Variants in IQGAP2 observed in about 807,000 individuals in gnomAD.
IQGAP2 encodes IQ motif containing GTPase activating protein 2, also known as ras GTPase-activating-like protein IQGAP2.
IQGAP2 carries 173 observed loss-of-function variants against 201.3 expected under a neutral mutation model. The observed-to-expected ratio is 0.86, with a 90% confidence interval of 0.76 to 0.98. The LOEUF (loss-of-function observed/expected upper bound fraction) is 0.98. IQGAP2 is among the 50% of genes least tolerant of loss of function. IQGAP2 has a pLI of 0.00. For synonymous variants in IQGAP2, 675 were observed against 673.9 expected, an observed-to-expected ratio of 1.00 and a Z score of -0.03; for missense variants, 1,687 against 1,864.8, an observed-to-expected ratio of 0.90 and a Z score of 1.76.
At chr5:76,574,285 T>G (rs888684963) in intron 4 of IQGAP2, among the ~76,000 whole-genome samples, 4 of 152,202 alleles carry the variant, frequency 2.6e-5, no homozygotes, top group African/African-American at 9.6e-5. Flanking sequence ...GAAATCTGTT[T>G]CTTTTGTTGA....
chr5:76,670,551 G>A lies in IQGAP2; in HGVS notation c.2844-1208G>A, dbSNP rs576304535. Among the ~76,000 whole-genome samples the A allele has an allele frequency of 5.3e-5, 8 of 152,228 alleles. No homozygotes were observed. The East Asian group carries it at 1.5e-3, about 29-fold the overall frequency. On this transcript the variant is annotated intron_variant, in intron 23 of 35. Coordinates refer to ENST00000274364, the MANE Select transcript of IQGAP2 (RefSeq NM_006633.5). ...AAACAAAACTAGCATTTAAAGGTGGGAAGAGGAGCACAGCAAAGAAAATAA... is the reference window on the plus strand; with the variant it reads ...AAACAAAACTAGCATTTAAAGGTGGAAAGAGGAGCACAGCAAAGAAAATAA...
rs1430587069 is a variant in IQGAP2, at chr5:76,677,057, C to T, written c.3528-161C>T. On this transcript the variant is annotated intron_variant, in intron 27 of 35. Coordinates refer to ENST00000274364, the MANE Select transcript of IQGAP2 (RefSeq NM_006633.5). ...ATATCCAGAAACATGGATGCAGCTCCGACAGCCAGGAGCCAGCCTGGAAGA... is the reference window on the plus strand; with the variant it reads ...ATATCCAGAAACATGGATGCAGCTCTGACAGCCAGGAGCCAGCCTGGAAGA... 6 of 632,162 alleles carry T rather than the reference C, an allele frequency of 9.5e-6. 1 individual carries two copies. The highest frequency in any genetic ancestry group is 2.2e-5 in the South Asian group (1 of 45,344). The allele number at this position is 632,162 out of a possible 1,614,324, so 39.2% of individuals were successfully genotyped here.
chr5:76,537,307 T>C (rs1221723279), intron 2 of IQGAP2, among the ~76,000 whole-genome samples: 1 of 152,190 alleles, frequency 6.6e-6, no homozygotes, highest in Non-Finnish European at 1.5e-5. Flanking sequence ...TGCAGTGGTT[T>C]CCAGCCACTT....
intron 17 of IQGAP2, among the ~76,000 whole-genome samples, chr5:76,648,346 T>C (rs894491947): frequency 1.1e-4 from 16 of 152,304 alleles, no homozygotes; most frequent in South Asian, 2.1e-4. Context: ...CTCCTAGTAA[T>C]GAGGCAGTGC....
At chr5:76,631,684 A>C (rs429071) in intron 14 of IQGAP2, among the ~76,000 whole-genome samples, 175 bp from the exon 15 acceptor site, 2 of 151,914 alleles carry the variant, frequency 1.3e-5, no homozygotes, top group Non-Finnish European at 2.9e-5. Context: ...AATTCTTCTT[A>C]TGGACTAAAC....
chr5:76,461,560 CTA>C lies in IQGAP2; in HGVS notation c.47-8_47-7del. On this transcript the variant is annotated splice_region_variant and splice_polypyrimidine_tract_variant and intron_variant, in intron 1 of 35. Coordinates refer to ENST00000274364, the MANE Select transcript of IQGAP2 (RefSeq NM_006633.5). ...TTTGTAAATCACATGTTGTTATCCT[CTA>C]TTTCTAGCTATTGTGGACGATGAAA... The C allele has an allele frequency of 6.3e-7, 1 of 1,598,512 alleles. No individual in the cohort carries two copies.
At position 76,609,185 on chromosome 5, in the gene IQGAP2, C is replaced by A. The variant is rs543673976; in HGVS notation, c.1358-1835C>A. 2.6e-6 allele frequency: 4 copies of A among 1,535,920 alleles called. No homozygotes were observed. In the African/African-American group the frequency reaches 5.5e-5, roughly 21 times the overall value. On this transcript the variant is annotated intron_variant, in intron 12 of 35. Transcript: ENST00000274364. Reference sequence around the variant, plus strand: ...TGAAATGCACTCACTTCCAGGTGATCGGCCTTGGTTCTGTTAAGACCATTT... The same window carrying A: ...TGAAATGCACTCACTTCCAGGTGATAGGCCTTGGTTCTGTTAAGACCATTT...
chr5:76,423,115 G>A (rs573261241), intron 1 of IQGAP2, among the ~76,000 whole-genome samples: 2 of 152,264 alleles, frequency 1.3e-5, no homozygotes, highest in African/African-American at 2.4e-5. Flanking sequence ...CATTTTATTA[G>A]TTTCCTGTTT....
intron 20 of IQGAP2, among the ~76,000 whole-genome samples, chr5:76,655,858 C>T (rs1429657855): frequency 6.6e-6 from 1 of 152,210 alleles, no homozygotes; most frequent in African/African-American, 2.4e-5. Context: ...TGGTTTTTTA[C>T]AGATCATAAG....
intron 15 of IQGAP2, 54 bp downstream of exon 15, chr5:76,632,080 T>G: frequency 7.3e-7 from 1 of 1,370,804 alleles, no homozygotes; most frequent in African/African-American, 1.5e-5. Flanking sequence ...ATCATTTCTG[T>G]GGTATTATAT....
At chr5:76,448,995 A>G (rs1483767951) in intron 1 of IQGAP2, among the ~76,000 whole-genome samples, 2 of 152,110 alleles carry the variant, frequency 1.3e-5, no homozygotes, top group Non-Finnish European at 2.9e-5. Flanking sequence ...TCTCACTTTC[A>G]TCTCACAACC....
At chr5:76,504,673 C>T (rs1474638642) in intron 2 of IQGAP2, among the ~76,000 whole-genome samples, 1 of 152,104 alleles carries the variant, frequency 6.6e-6, no homozygotes, top group Non-Finnish European at 1.5e-5. Context: ...TGTAACCCTC[C>T]CTCCTACCTA....
chr5:76,671,719 A>C (rs753711492), intron 23 of IQGAP2, 40 bp from the exon 24 acceptor site: 16 of 1,385,480 alleles, frequency 1.2e-5, no homozygotes, highest in Non-Finnish European at 1.5e-5. Flanking sequence ...ATCTGTATCC[A>C]TGGAAGCAAA....
In IQGAP2 at chr5:76,695,456, G is replaced by A. The variant is rs1383710679; in HGVS notation, c.3996G>A (p.Glu1332=). The part of the protein sequence containing the change: ...ILETPATAQQ[E]VDHATDMVSR... Reference sequence around the variant, plus strand: ...GCATCTTGATATTCTCTTTTCAGGAGGTAGACCATGCCACGGACATGGTGA... The same window carrying A: ...GCATCTTGATATTCTCTTTTCAGGAAGTAGACCATGCCACGGACATGGTGA... Residue 1332 remains glutamate, a splice_region_variant and synonymous_variant, in exon 32 of 36, where the codon GAG becomes GAA. Transcript: ENST00000274364. 2 of 1,613,440 alleles carry A rather than the reference G, an allele frequency of 1.2e-6. No individual in the cohort carries two copies. The highest frequency in any genetic ancestry group is 1.7e-5 in the Admixed American group (1 of 59,990).
intron 2 of IQGAP2, among the ~76,000 whole-genome samples, chr5:76,494,290 G>A (rs1439100458): frequency 1.4e-4 from 22 of 152,132 alleles, no homozygotes; most frequent in Admixed American, 1.2e-3. Flanking sequence ...ATTTGAAAGC[G>A]ACTTTTCAAA....
intron 2 of IQGAP2, among the ~76,000 whole-genome samples, chr5:76,536,943 T>G (rs1459502859): frequency 6.6e-6 from 1 of 152,184 alleles, no homozygotes; most frequent in East Asian, 1.9e-4. Flanking sequence ...TCCCTTCTAG[T>G]ATCACTGAGG....
chr5:76,627,877 G>A (rs1169995003), intron 14 of IQGAP2, among the ~76,000 whole-genome samples: 2 of 152,132 alleles, frequency 1.3e-5, no homozygotes, highest in South Asian at 2.1e-4. Flanking sequence ...AGAACCAATA[G>A]GAGACCTATG....
At chr5:76,575,532 T>C (rs968737488) in intron 4 of IQGAP2, among the ~76,000 whole-genome samples, 161 bp from the exon 5 acceptor site, 4 of 152,190 alleles carry the variant, frequency 2.6e-5, no homozygotes, top group Non-Finnish European at 5.9e-5. Flanking sequence ...GATATGGTGA[T>C]TGGTCTATCT....
At chr5:76,543,730 C>A (rs1742925394) in intron 2 of IQGAP2, among the ~76,000 whole-genome samples, 1 of 152,168 alleles carries the variant, frequency 6.6e-6, no homozygotes. Flanking sequence ...TATTTTGTAA[C>A]AGTTTGTTTC....
Sources: allele counts gnomAD v4.1 joint callset (sites outside exome capture counted in the v4.1 genomes callset), GRCh38; gene constraint gnomAD v4.1.1; transcripts MANE v1.5; gene names NCBI Gene and HGNC (gene_info 2026-07-23, HGNC 2026-07-21).